The following HIVEP1 variants were observed in gnomAD, a reference collection of about 807,000 sequenced individuals.
The protein encoded by HIVEP1 is zinc finger protein 40.
In HIVEP1, 36 loss-of-function variants were observed where a neutral mutation model predicts 180.0. The ratio of observed to expected loss-of-function variants is 0.20; its 90% confidence interval spans 0.15 to 0.26. The LOEUF (loss-of-function observed/expected upper bound fraction) is 0.26. Ranked by LOEUF, HIVEP1 falls within the 10% of genes least tolerant of loss-of-function variation. The probability of loss-of-function intolerance (pLI) is 1.00; values close to 1 mark genes in which losing one functional copy is unlikely to be tolerated. For synonymous variants in HIVEP1, 1,239 were observed against 1,239.0 expected, an observed-to-expected ratio of 1.00 and a Z score of 0.00; for missense variants, 3,143 against 3,268.7, an observed-to-expected ratio of 0.96 and a Z score of 0.94.
chr6:12,058,720 C>T (rs1192382464), intron 2 of HIVEP1, among the ~76,000 whole-genome samples: 1 of 152,142 alleles, frequency 6.6e-6, no homozygotes, highest in Admixed American at 6.5e-5. Context: ...CAGGCGCAAA[C>T]AGCTCCGTAC....
intron 3 of HIVEP1, among the ~76,000 whole-genome samples, chr6:12,108,230 C>T (rs1044430698): frequency 2.8e-4 from 43 of 152,222 alleles, no homozygotes; most frequent in Non-Finnish European, 5.0e-4. Flanking sequence ...AAACCTTGAG[C>T]TAGATACAGA....
chr6:12,133,278 TATAG>T (rs1410928573), intron 6 of HIVEP1, among the ~76,000 whole-genome samples: 3 of 152,206 alleles, frequency 2.0e-5, no homozygotes, highest in South Asian at 2.1e-4. Context: ...GCAGAAAACA[TATAG>T]AGAGCTTGTA....
intron 3 of HIVEP1, among the ~76,000 whole-genome samples, chr6:12,100,927 C>G (rs1774078370): frequency 6.6e-6 from 1 of 152,024 alleles, no homozygotes; most frequent in Admixed American, 6.6e-5. Flanking sequence ...ATCAGAAATC[C>G]AAAACATTTC....
At chr6:12,176,641 G>C in the HIVEP1 span, among the ~76,000 whole-genome samples, 1 of 152,122 alleles carries the variant, frequency 6.6e-6, no homozygotes, top group Non-Finnish European at 1.5e-5. Flanking sequence ...TGTCCAAAGA[G>C]GGTGAATACT....
At chr6:12,210,017 C>A in the HIVEP1 span, among the ~76,000 whole-genome samples, 1 of 151,832 alleles carries the variant, frequency 6.6e-6, no homozygotes, top group African/African-American at 2.4e-5. Flanking sequence ...CTCGGAGAAT[C>A]GCTTGAACCT....
upstream of HIVEP1, among the ~76,000 whole-genome samples, chr6:12,009,129 C>CGGT (rs1767150248): frequency 7.8e-6 from 1 of 127,522 alleles, no homozygotes; most frequent in Non-Finnish European, 1.8e-5. Flanking sequence ...GTGGCGGCGG[C>CGGT]GGCGGCGGCG....
rs201148381 is a variant in HIVEP1, at chr6:12,125,332, T to G, written c.5537T>G (p.Phe1846Cys). 3.7e-4 allele frequency: 597 copies of G among 1,614,126 alleles called. 3 individuals carry two copies. The South Asian group carries it at 3.8e-3, about 10-fold the overall frequency. Residue 1846 changes from phenylalanine (F) to cysteine (C), a missense_variant, in exon 4 of 9, where the codon TTT (phenylalanine) becomes TGT (cysteine). Physicochemically the swap from Phe to Cys is radical, Grantham distance 205. Around this residue, in one of 12 missense-constraint regions of HIVEP1, gnomAD observed 1,357 missense variants for 1,260.5 expected, o/e 1.08. Transcript: ENST00000379388. ...ADNSSTGCSK[F>C]VVIEPISELQ... Reference sequence around the variant, plus strand: ...AATTCATCAACAGGATGCTCTAAATTTGTCGTTATAGAACCTATAAGTGAA... The same window carrying G: ...AATTCATCAACAGGATGCTCTAAATGTGTCGTTATAGAACCTATAAGTGAA...
the HIVEP1 span, among the ~76,000 whole-genome samples, chr6:12,170,999 AG>A: frequency 6.6e-6 from 1 of 152,222 alleles, no homozygotes; most frequent in Admixed American, 6.5e-5. Context: ...CAAATAGGTC[AG>A]GATCAGTGTC....
chr6:12,152,737 G>A (rs1562005346), intron 7 of HIVEP1, among the ~76,000 whole-genome samples: 1 of 152,148 alleles, frequency 6.6e-6, no homozygotes, highest in Non-Finnish European at 1.5e-5. Flanking sequence ...AGAAACCCAG[G>A]AAAGGAATCC....
intron 2 of HIVEP1, among the ~76,000 whole-genome samples, chr6:12,040,819 C>T (rs573043337): frequency 1.1e-4 from 16 of 150,188 alleles, no homozygotes; most frequent in African/African-American, 3.7e-4. Flanking sequence ...AGCTTCCAAT[C>T]ATGGTGGAAA....
the HIVEP1 span, among the ~76,000 whole-genome samples, chr6:12,184,059 A>AGACAGACT: frequency 5.4e-5 from 8 of 149,222 alleles, no homozygotes; most frequent in African/African-American, 1.8e-4. Context: ...ACAGACAGAC[A>AGACAGACT]GACTGATTTG....
At chr6:12,168,011 T>C (rs1489989067), downstream of HIVEP1, among the ~76,000 whole-genome samples, 27 of 93,994 alleles carry the variant, frequency 2.9e-4, 2 homozygotes, top group African/African-American at 1.3e-3. Flanking sequence ...TATATATACA[T>C]GTACATGTAT....
the HIVEP1 span, among the ~76,000 whole-genome samples, chr6:12,181,489 C>A: frequency 1.3e-5 from 2 of 152,062 alleles, no homozygotes; most frequent in Non-Finnish European, 2.9e-5. Flanking sequence ...TAGCTCACTG[C>A]AGCCTCAACC....
chr6:12,109,248 C>T (rs2113448011), intron 3 of HIVEP1, among the ~76,000 whole-genome samples: 1 of 152,348 alleles, frequency 6.6e-6, no homozygotes, highest in East Asian at 1.9e-4. Flanking sequence ...CCGCCTCAGC[C>T]TCCCAAAGTG....
chr6:12,167,747 C>T (rs192287022), downstream of HIVEP1, among the ~76,000 whole-genome samples: 6 of 78,798 alleles, frequency 7.6e-5, no homozygotes, highest in Admixed American at 4.2e-4. Flanking sequence ...TGTATATGTG[C>T]GTGTATAATA....
intron 2 of HIVEP1, among the ~76,000 whole-genome samples, chr6:12,050,449 A>G (rs997932384): frequency 2.6e-5 from 4 of 152,216 alleles, no homozygotes; most frequent in East Asian, 1.9e-4. Context: ...AGCCGGGCGT[A>G]GTGGCAGGCA....
upstream of HIVEP1, chr6:12,012,046 G>T: frequency 6.8e-6 from 1 of 146,324 alleles, no homozygotes; most frequent in South Asian, 1.9e-4. Flanking sequence ...ACTCTGCCCC[G>T]GGGGAGAGGT....
downstream of HIVEP1, among the ~76,000 whole-genome samples, chr6:12,166,028 C>A (rs1207406910): frequency 6.6e-6 from 1 of 152,184 alleles, no homozygotes; most frequent in Non-Finnish European, 1.5e-5. Flanking sequence ...TAACAAAATT[C>A]TCTCAAAAAC....
intron 8 of HIVEP1, among the ~76,000 whole-genome samples, chr6:12,162,254 A>C (rs983434296): frequency 6.7e-6 from 1 of 150,194 alleles, no homozygotes; most frequent in Non-Finnish European, 1.5e-5. Flanking sequence ...AGTGGCGAAC[A>C]CAAGTCCCGC....
Sources: gnomAD v4.1 joint callset for allele counts (sites outside exome capture counted in the v4.1 genomes callset) on GRCh38, gnomAD v4.1.1 for gene constraint, gnomAD v4.1.1 regional missense constraint, MANE v1.5 for transcripts, NCBI Gene and HGNC (gene_info 2026-07-23, HGNC 2026-07-21) for gene names.